ZDHHC13: variants seen among roughly 807,000 people sequenced by gnomAD.
ZDHHC13 encodes palmitoyltransferase ZDHHC13.
A neutral mutation model predicts 86.0 loss-of-function variants in ZDHHC13; 85 were observed. The ratio of observed to expected loss-of-function variants is 0.99; its 90% CI spans 0.83 to 1.18. The LOEUF is 1.18. ZDHHC13 is among the 50% of genes most tolerant of loss of function. The pLI is 0.00. For missense variants in ZDHHC13, 711 were observed against 730.2 expected, an observed-to-expected ratio of 0.97 and a Z score of 0.30; for synonymous variants, 263 against 246.4, an observed-to-expected ratio of 1.07 and a Z score of -0.63.
chr11:19,144,116 A>G (rs1038258495), intron 2 of ZDHHC13, among the ~76,000 whole-genome samples: 1 of 152,208 alleles, frequency 6.6e-6, no homozygotes, highest in Non-Finnish European at 1.5e-5. Context: ...TTACCAATTT[A>G]TATTAACTCT....
At chr11:19,166,873 A>G in intron 14 of ZDHHC13, 1 of 152,874 alleles carries the variant, frequency 6.5e-6, no homozygotes. Flanking sequence ...TGGAAATAGT[A>G]ACTTGGAAGA....
At chr11:19,143,796 T>G (rs1229890973) in intron 2 of ZDHHC13, among the ~76,000 whole-genome samples, 4 of 152,240 alleles carry the variant, frequency 2.6e-5, no homozygotes, top group Non-Finnish European at 5.9e-5. Context: ...TGGATCTTGT[T>G]GATTATTAAC....
rs765395604 is a variant in ZDHHC13 at position 19,147,602 on chromosome 11, T to G, written c.303T>G (p.Tyr101Ter). The change falls in exon 4 of 17, where the codon TAT becomes TAG. Residue 101 changes from tyrosine (Y) to a stop codon, truncating the protein, a stop_gained. Transcript: ENST00000446113. LOFTEE classifies it high-confidence loss of function. ...TTGTGTCTGCTTTTAACAGGTTTTA[T>G]ATTTCAAAAGGTGCTGTTGTAGATC... Reference protein sequence around the residue: ...INNRLDLVKFYISKGAVVDQL... With the variant: ...INNRLDLVKF 1 of 1,595,498 alleles carries G rather than the reference T, an allele frequency of 6.3e-7. No homozygotes were observed. Among genetic ancestry groups the G allele is most frequent in the Admixed American group, 1.7e-5 (1 of 57,516 alleles).
At chr11:19,169,352 G>A (rs1565043407) in intron 14 of ZDHHC13, 11 of 985,452 alleles carry the variant, frequency 1.1e-5, no homozygotes, top group Non-Finnish European at 1.3e-5. Flanking sequence ...GCTACTCTGT[G>A]ATGATTGCTC....
At chr11:19,128,849 A>G (rs913734139) in intron 1 of ZDHHC13, among the ~76,000 whole-genome samples, 7 of 152,220 alleles carry the variant, frequency 4.6e-5, no homozygotes, top group Non-Finnish European at 8.8e-5. Flanking sequence ...AGGGACAGTT[A>G]TATATCCCAC....
At chr11:19,143,171 A>G (rs1029286883) in intron 2 of ZDHHC13, 48 bp downstream of exon 2, 5 of 1,563,098 alleles carry the variant, frequency 3.2e-6, no homozygotes, top group Non-Finnish European at 3.5e-6. Context: ...TCTAGAATTA[A>G]TAGTAATATA....
intron 2 of ZDHHC13, among the ~76,000 whole-genome samples, chr11:19,145,474 A>G (rs1849436439): frequency 6.6e-6 from 1 of 152,204 alleles, no homozygotes; most frequent in Non-Finnish European, 1.5e-5. Flanking sequence ...ATTGAACTGT[A>G]CATAAAGCTA....
intron 1 of ZDHHC13, among the ~76,000 whole-genome samples, chr11:19,141,270 A>T (rs1849312927): frequency 6.6e-6 from 1 of 152,148 alleles, no homozygotes; most frequent in African/African-American, 2.4e-5. Context: ...TATCACTGTG[A>T]TTAGGGTCAC....
chr11:19,130,413 C>A (rs1269729159), intron 1 of ZDHHC13, among the ~76,000 whole-genome samples: 1 of 151,940 alleles, frequency 6.6e-6, no homozygotes, highest in Non-Finnish European at 1.5e-5. Flanking sequence ...CTTTTTTAAA[C>A]CTGATATTCG....
intron 10 of ZDHHC13, among the ~76,000 whole-genome samples, chr11:19,160,785 A>G (rs1849888472): frequency 6.6e-6 from 1 of 151,916 alleles, no homozygotes; most frequent in African/African-American, 2.4e-5. Flanking sequence ...CTGATCCTTA[A>G]GTAATAAACC....
intron 12 of ZDHHC13, 56 bp downstream of exon 12, chr11:19,164,419 G>T: frequency 6.6e-7 from 1 of 1,508,752 alleles, no homozygotes. Context: ...TGGTAACGTT[G>T]CTGATGTAAG....
intron 1 of ZDHHC13, among the ~76,000 whole-genome samples, chr11:19,136,354 G>A (rs867058142): frequency 7.2e-5 from 11 of 152,280 alleles, no homozygotes; most frequent in African/African-American, 1.2e-4. Flanking sequence ...GAAATGAAGC[G>A]AGAAGGGAAG....
At chr11:19,145,812 G>A (rs1459379489) in intron 2 of ZDHHC13, among the ~76,000 whole-genome samples, 1 of 152,132 alleles carries the variant, frequency 6.6e-6, no homozygotes, top group East Asian at 1.9e-4. Context: ...ATCCCTTATT[G>A]TGAGATTATT....
chr11:19,141,753 A>G, intron 1 of ZDHHC13, among the ~76,000 whole-genome samples: 1 of 151,908 alleles, frequency 6.6e-6, no homozygotes, highest in South Asian at 2.1e-4. Context: ...GAGATTAGAA[A>G]CACTCAAATT....
Position 19,172,703 on chromosome 11 carries a change from C to A in ZDHHC13, c.1633-20C>A. ...AAGTTGCACACTGAATGTGTGCAACCTTCCACCCTTCTTTTTCAGATTGCC... is the reference window on the plus strand; with the variant it reads ...AAGTTGCACACTGAATGTGTGCAACATTCCACCCTTCTTTTTCAGATTGCC... On this transcript the variant is annotated intron_variant, in intron 15 of 16. Transcript: ENST00000446113. The A allele has an allele frequency of 6.4e-7, 1 of 1,569,322 alleles. No homozygotes were observed. The highest frequency in any genetic ancestry group is 2.3e-5 in the East Asian group (1 of 42,556).
chr11:19,165,053 T>A lies in ZDHHC13; in HGVS notation c.1298T>A (p.Ile433Lys), dbSNP rs1590089374. The A allele has an allele frequency of 6.2e-7, 1 of 1,611,930 alleles. No individual in the cohort carries two copies. ...GGCCTCTCTTAATTGCCCACTTAGA[T>A]AAGGAAGCCATTAAGGTCACTCCAC... ...DFRTFCTSCL[I>K]RKPLRSLHCH... is the part of the protein sequence containing the mutation. Residue 433 changes from isoleucine to lysine, a missense_variant and splice_region_variant, in exon 13 of 17, where the codon ATA becomes AAA. Ile to Lys is a moderately radical substitution (Grantham distance 102). Transcript: ENST00000446113.
chr11:19,159,302 G>C (rs116248812), intron 10 of ZDHHC13, among the ~76,000 whole-genome samples: 382 of 152,060 alleles, frequency 2.5e-3, no homozygotes, highest in African/African-American at 8.5e-3. Flanking sequence ...TGTTTTACTT[G>C]TACCATAATT....
rs1364297190 is a variant in ZDHHC13, at chr11:19,164,359, G to A, written c.1292G>A (p.Cys431Tyr). 1.2e-5 allele frequency: 19 copies of A among 1,612,746 alleles called. No individual in the cohort carries two copies. The highest frequency in any genetic ancestry group is 1.5e-5 in the Non-Finnish European group (18 of 1,179,284). The change falls in exon 12 of 17, where the codon TGT (cysteine) becomes TAT (tyrosine). Residue 431 changes from cysteine (C) to tyrosine (Y), a missense_variant. Cys to Tyr is a radical substitution (Grantham distance 194). Coordinates refer to ENST00000446113, the MANE Select transcript of ZDHHC13 (RefSeq NM_019028.3). Reference sequence around the variant, plus strand: ...GACTTCAGAACATTTTGTACATCATGTCTTGTGAGTTTTTTCATATAATTT... The same window carrying A: ...GACTTCAGAACATTTTGTACATCATATCTTGTGAGTTTTTTCATATAATTT... Reference protein sequence around the residue: ...SLDFRTFCTSCLIRKPLRSLH... With the variant: ...SLDFRTFCTSYLIRKPLRSLH...
chr11:19,169,936 T>A, intron 14 of ZDHHC13: 1 of 988,538 alleles, frequency 1.0e-6, no homozygotes, highest in African/African-American at 1.7e-5. Context: ...GCTCCCTGCA[T>A]GCTATTAGAT....
Sources: allele counts gnomAD v4.1 joint callset (sites outside exome capture counted in the v4.1 genomes callset), GRCh38; gene constraint gnomAD v4.1.1; transcripts MANE v1.5; gene names NCBI Gene and HGNC (gene_info 2026-07-23, HGNC 2026-07-21).